Variants in RRAGD observed in about 807,000 individuals in gnomAD.
RRAGD encodes the protein Ras related GTP binding D.
In RRAGD, 12 loss-of-function variants were observed where a neutral mutation model predicts 35.5. The observed-to-expected ratio is 0.34, with a 90% CI of 0.22 to 0.55. The LOEUF is 0.55. RRAGD is among the 20% of genes least tolerant of loss of function. The pLI is 0.91. For synonymous variants in RRAGD, 155 were observed against 178.9 expected (o/e 0.87, Z 1.07); for missense variants, 324 against 490.1 (o/e 0.66, Z 3.20).
chr6:89,401,003 C>A (rs1301253238), intron 1 of RRAGD, among the ~76,000 whole-genome samples: 1 of 152,132 alleles, frequency 6.6e-6, no homozygotes, highest in African/African-American at 2.4e-5. Context: ...AAAAACGATT[C>A]ATCCCCCAGC....
At chr6:89,373,151 A>G (rs929595375) in intron 5 of RRAGD, among the ~76,000 whole-genome samples, 4 of 152,224 alleles carry the variant, frequency 2.6e-5, no homozygotes, top group Non-Finnish European at 5.9e-5. Flanking sequence ...CAAATGGTTC[A>G]CTGAAAAGAA....
At chr6:89,407,755 G>C (rs977738227) in intron 1 of RRAGD, among the ~76,000 whole-genome samples, 6 of 152,150 alleles carry the variant, frequency 3.9e-5, no homozygotes, top group Non-Finnish European at 7.4e-5. Context: ...TAACACAGGG[G>C]GTGAACTTGG....
At chr6:89,369,519 T>C (rs1193336742) in intron 6 of RRAGD, among the ~76,000 whole-genome samples, 1 of 152,190 alleles carries the variant, frequency 6.6e-6, no homozygotes, top group Non-Finnish European at 1.5e-5. Flanking sequence ...CAAGGCTCAA[T>C]CACAGCTCAT....
intron 5 of RRAGD, among the ~76,000 whole-genome samples, chr6:89,376,052 C>T (rs1319325829): frequency 1.3e-5 from 2 of 152,110 alleles, no homozygotes; most frequent in East Asian, 1.9e-4. Flanking sequence ...AATCAGGGTG[C>T]GTTCATCTTC....
Position 89,406,918 on chromosome 6 carries a change from G to A in RRAGD, c.148+4928C>T, listed in dbSNP as rs1032228574. ...CTCCCCTAGAGGTTTGAGCAGCAGA[G>A]CACTTAAGAATCTAGCCAAACCCCC... On this transcript the variant is annotated intron_variant, in intron 1 of 6. Transcript: ENST00000369415. Among the ~76,000 whole-genome samples the A allele has an allele frequency of 7.2e-5, 11 of 152,200 alleles. No individual in the cohort carries two copies. In the South Asian group the frequency reaches 1.0e-3, roughly 14 times the overall value.
chr6:89,387,631 C>T (rs374152818), intron 1 of RRAGD, 41 bp from the exon 2 acceptor site: 967 of 1,560,214 alleles, frequency 6.2e-4, no homozygotes, highest in Non-Finnish European at 7.9e-4. Flanking sequence ...GAGATGCTTT[C>T]ACAGAGGTTA....
At chr6:89,382,601 C>T (rs1769064067) in intron 2 of RRAGD, among the ~76,000 whole-genome samples, 1 of 151,438 alleles carries the variant, frequency 6.6e-6, no homozygotes, top group Admixed American at 6.6e-5. Flanking sequence ...TGAGGCCGGG[C>T]GCGGTGGCTC....
intron 2 of RRAGD, among the ~76,000 whole-genome samples, chr6:89,384,100 T>C (rs1288114849): frequency 7.6e-6 from 1 of 132,144 alleles, no homozygotes; most frequent in Non-Finnish European, 1.6e-5. Context: ...AGACTCCATC[T>C]AAAAAAAAAA....
intron 1 of RRAGD, among the ~76,000 whole-genome samples, chr6:89,392,666 C>G (rs928921735): frequency 6.6e-6 from 1 of 152,100 alleles, no homozygotes; most frequent in Non-Finnish European, 1.5e-5. Context: ...CAAAACTCTA[C>G]AATTGTCTAA....
Position 89,379,309 on chromosome 6 carries a change from G to A in RRAGD, c.674C>T (p.Ser225Leu), listed in dbSNP as rs1769003660. 1 of 1,595,832 alleles carries A rather than the reference G, an allele frequency of 6.3e-7. No individual in the cohort carries two copies. Among genetic ancestry groups the A allele is most frequent in the African/African-American group, 1.3e-5 (1 of 74,506 alleles). The change falls in exon 4 of 7, where the codon TCA becomes TTA. Residue 225 changes from serine (S) to leucine (L), a missense_variant. This residue lies in a region of RRAGD where 152 missense variants were observed against 296.9 expected (regional missense o/e 0.51). Transcript: ENST00000369415. ...SFYLTSIYDH[S>L]IFEAFSKVVQ... ...AACTTTGCTAAAAGCTTCAAATATT[G>A]AATGATCATATATGCTTGTCAGATA...
chr6:89,366,290 G>A lies in RRAGD; in HGVS notation c.*1766C>T, dbSNP rs1043882908. 2.0e-5 allele frequency: 3 copies of A among 152,340 alleles called. No homozygotes were observed. Among genetic ancestry groups the A allele is most frequent in the Middle Eastern group, 3.4e-3 (1 of 296 alleles). The allele number at this position is 152,340 out of a possible 1,614,324, so 9.4% of individuals were successfully genotyped here. Reference sequence around the variant, plus strand: ...GGCCTGTAATCTCAGCATTTGAGGAGGCCAAGGCAGGAGGATTGCTTGGGG... The same window carrying A: ...GGCCTGTAATCTCAGCATTTGAGGAAGCCAAGGCAGGAGGATTGCTTGGGG... On this transcript the variant is annotated 3_prime_UTR_variant, in exon 7 of 7. Transcript: ENST00000369415.
rs1176951867 is a variant in RRAGD at position 89,392,495 on chromosome 6, G to A, written c.149-4905C>T. Among the ~76,000 whole-genome samples, 49 of 133,032 alleles carry A rather than the reference G, an allele frequency of 3.7e-4. No homozygotes were observed. The South Asian group carries it at 7.7e-3, about 21-fold the overall frequency. The allele number at this position is 133,032 out of a possible 152,430, so 87.3% of individuals were successfully genotyped here. On this transcript the variant is annotated intron_variant, in intron 1 of 6. Transcript: ENST00000369415. ...ACCCTGTCTCGAAAAAAAAAAAAAA[G>A]AATATAAAATATAGAGATGTATATA...
At position 89,366,613 on chromosome 6, in the gene RRAGD, GCTCTGCTTTAAAAAAAAAAAAAT is replaced by G. The variant is rs1768752898; in HGVS notation, c.*1420_*1442del. 6.6e-6 allele frequency: 1 copy of G among 150,572 alleles called. No individual in the cohort carries two copies. The highest frequency in any genetic ancestry group is 2.1e-4 in the South Asian group (1 of 4,790). The allele number at this position is 150,572 out of a possible 1,614,324, so 9.3% of individuals were successfully genotyped here. A position where few individuals can be genotyped will look rare whatever the true frequency, so the allele number is the denominator to read the frequency against. On this transcript the variant is annotated 3_prime_UTR_variant, in exon 7 of 7. Transcript: ENST00000369415. ...GGACCAACTTTGATGTTCTTAGGAG[GCTCTGCTTTAAAAAAAAAAAAAT>G]CTCATTTTCTAATGCCCCACAAGCA...
At chr6:89,384,808 C>T (rs950576113) in intron 2 of RRAGD, among the ~76,000 whole-genome samples, 7 of 126,938 alleles carry the variant, frequency 5.5e-5, no homozygotes, top group East Asian at 2.5e-4. Flanking sequence ...AGCAAGACTC[C>T]GTCTCAAAAA....
intron 1 of RRAGD, among the ~76,000 whole-genome samples, chr6:89,390,531 T>C (rs180759481): frequency 6.6e-6 from 1 of 152,358 alleles, no homozygotes; most frequent in Non-Finnish European, 1.5e-5. Flanking sequence ...AGTGAAGATG[T>C]AGAGAAACTG....
Position 89,365,213 on chromosome 6 carries a change from T to C in RRAGD, c.*2843A>G, listed in dbSNP as rs1399069520. On this transcript the variant is annotated 3_prime_UTR_variant, in exon 7 of 7. Transcript: ENST00000369415. ...CTTCAAAAACATTCCACCCTGGTCA[T>C]TCACACTAATCTACATCACTGAAAA... 1.3e-5 allele frequency: 2 copies of C among 152,344 alleles called. No individual in the cohort carries two copies. The highest frequency in any genetic ancestry group is 2.9e-5 in the Non-Finnish European group (2 of 68,036). The allele number at this position is 152,344 out of a possible 1,614,324, so 9.4% of individuals were successfully genotyped here.
chr6:89,380,028 A>AATCCT, intron 3 of RRAGD, 140 bp downstream of exon 3: 1 of 733,050 alleles, frequency 1.4e-6, no homozygotes, highest in Non-Finnish European at 2.3e-6. Context: ...ATTTTCCCCT[A>AATCCT]ATCCTATCCA....
chr6:89,373,782 CAGTAAT>C (rs1302788016), intron 5 of RRAGD, among the ~76,000 whole-genome samples: 2 of 151,996 alleles, frequency 1.3e-5, no homozygotes, highest in African/African-American at 4.8e-5. Context: ...TGTACACTAA[CAGTAAT>C]TATTTCAAAG....
intron 5 of RRAGD, among the ~76,000 whole-genome samples, chr6:89,375,871 A>G (rs765006471): frequency 4.1e-4 from 62 of 152,258 alleles, no homozygotes; most frequent in Middle Eastern, 3.4e-3. Flanking sequence ...CTCCCTCCCC[A>G]TGTTTGTTTT....
Sources: allele counts gnomAD v4.1 joint callset (sites outside exome capture counted in the v4.1 genomes callset), GRCh38; gene constraint gnomAD v4.1.1; regional missense constraint gnomAD v4.1.1; transcripts MANE v1.5; gene names NCBI Gene and HGNC (gene_info 2026-07-23, HGNC 2026-07-21).